Variants in HSPH1 observed in about 807,000 individuals in gnomAD.
The protein encoded by HSPH1 is heat shock protein 105 kDa.
Under a neutral mutation model 100.0 loss-of-function variants are expected in HSPH1, and 40 were observed. The ratio of observed to expected loss-of-function variants is 0.40; its 90% confidence interval spans 0.31 to 0.52. HSPH1 has a LOEUF of 0.52. Among genes scored for constraint, HSPH1 ranks in the 20% least tolerant of loss-of-function variants. The pLI, the probability that HSPH1 is intolerant of heterozygous loss-of-function variation, is 0.54. For missense variants in HSPH1, 876 were observed against 1,015.1 expected (o/e 0.86, Z 1.86); for synonymous variants, 403 against 344.0 (o/e 1.17, Z -1.90).
chr13:31,161,916 T>TC, upstream of HSPH1: 2 of 1,512,616 alleles, frequency 1.3e-6, no homozygotes, highest in Non-Finnish European at 1.8e-6. Flanking sequence ...AAAGGGGAGG[T>TC]CCCACTTCCT....
rs553497627 is a variant in HSPH1 at position 31,149,360 on chromosome 13, G to A, written c.1137+594C>T. ...TAGCTTAAAACTCAAATGTTAACTT[G>A]AAACTTTATTTAAAACTATATTTAG... On this transcript the variant is annotated intron_variant, in intron 8 of 17. Coordinates refer to ENST00000320027, the MANE Select transcript of HSPH1 (RefSeq NM_006644.4). Among the ~76,000 whole-genome samples the A allele has an allele frequency of 2.6e-5, 4 of 152,122 alleles. No individual in the cohort carries two copies. The South Asian group carries it at 8.3e-4, about 32-fold the overall frequency.
chr13:31,137,248 T>TATAA lies in HSPH1; in HGVS notation c.*69_*70insTTAT. 1 of 874,178 alleles carries TATAA rather than the reference T, an allele frequency of 1.1e-6. No homozygotes were observed. Among genetic ancestry groups the TATAA allele is most frequent in the South Asian group, 1.6e-5 (1 of 64,312 alleles). The allele number at this position is 874,178 out of a possible 1,614,324, so 54.2% of individuals were successfully genotyped here. Reference sequence around the variant, plus strand: ...AAAGAAAATATAAATAGTTTCAGTATGTTATGTAGAGTCACATACTATGGC... The same window carrying TATAA: ...AAAGAAAATATAAATAGTTTCAGTATATAAGTTATGTAGAGTCACATACTATGGC... On this transcript the variant is annotated 3_prime_UTR_variant, in exon 18 of 18. Transcript: ENST00000320027.
At chr13:31,141,892 G>C (rs184194711) in intron 12 of HSPH1, among the ~76,000 whole-genome samples, 1 of 152,030 alleles carries the variant, frequency 6.6e-6, no homozygotes, top group African/African-American at 2.4e-5. Context: ...GGTAAAAAGA[G>C]ATGAGTCTTA....
In HSPH1 at chr13:31,154,625, A is replaced by C. The variant is rs1010314912; in HGVS notation, c.429+8T>G. 1 of 1,614,032 alleles carries C rather than the reference A, an allele frequency of 6.2e-7. No homozygotes were observed. The highest frequency in any genetic ancestry group is 8.5e-7 in the Non-Finnish European group (1 of 1,179,914). On this transcript the variant is annotated splice_region_variant and intron_variant, in intron 4 of 17. Coordinates refer to ENST00000320027, the MANE Select transcript of HSPH1 (RefSeq NM_006644.4). ...ATAAAACACACTGCCTTGCTGAATT[A>C]TACTTACTGAAATAACACAATCTGT...
At chr13:31,161,914 G>A, upstream of HSPH1, 5 of 1,513,354 alleles carry the variant, frequency 3.3e-6, no homozygotes, top group South Asian at 2.4e-5. Context: ...CAAAAGGGGA[G>A]GTCCCACTTC....
In HSPH1 at chr13:31,150,184, T is replaced by A. The variant is rs1230804585; in HGVS notation, c.909-2A>T. ...GCACAGAGTTCTTCAAATTGTGACC[T>A]TAGCAAATAAAAACTTGTTTTTAGA... is the stretch of plus-strand genomic sequence containing the variant. On this transcript the variant is annotated splice_acceptor_variant, in intron 7 of 17. Transcript: ENST00000320027. LOFTEE classifies it high-confidence loss of function. 1 of 1,558,506 alleles carries A rather than the reference T, an allele frequency of 6.4e-7. No homozygotes were observed. The highest frequency in any genetic ancestry group is 8.7e-7 in the Non-Finnish European group (1 of 1,150,688).
rs575951619 is a variant in HSPH1 at position 31,135,433 on chromosome 13, T to C, written c.*1885A>G. The C allele has an allele frequency of 1.2e-3, 176 of 152,332 alleles. No homozygotes were observed. Among genetic ancestry groups the C allele is most frequent in the African/African-American group, 4.1e-3 (170 of 41,584 alleles). 9.4% of individuals were successfully genotyped at this position (152,332 alleles called of 1,614,324 possible). ...AAAACATAAAAACCAAAGAAACATA[T>C]TAACTGCATAAAAATTTAAAGTTGC... On this transcript the variant is annotated 3_prime_UTR_variant, in exon 18 of 18. Transcript: ENST00000320027.
At chr13:31,161,202 G>A (rs1337633277) in intron 1 of HSPH1, among the ~76,000 whole-genome samples, 1 of 152,140 alleles carries the variant, frequency 6.6e-6, no homozygotes. Context: ...ACCCCCAATA[G>A]GAAGCCCGCA....
At chr13:31,140,551 GC>G in intron 13 of HSPH1, 1 of 147,640 alleles carries the variant, frequency 6.8e-6, no homozygotes, top group Non-Finnish European at 1.3e-5. Context: ...CATATTTAAT[GC>G]TAAAAAAAAA....
chr13:31,136,315 C>T lies in HSPH1; in HGVS notation c.*1003G>A, dbSNP rs1204072609. 6.6e-6 allele frequency: 1 copy of T among 152,134 alleles called. No individual in the cohort carries two copies. Among genetic ancestry groups the T allele is most frequent in the Non-Finnish European group, 1.5e-5 (1 of 68,032 alleles). The allele number at this position is 152,134 out of a possible 1,614,324, so 9.4% of individuals were successfully genotyped here. ...GAGTTTTTAAAAACAGCCTACAGCA[C>T]TATAACATAGACACTCACACAAATA... is the stretch of plus-strand genomic sequence containing the variant. On this transcript the variant is annotated 3_prime_UTR_variant, in exon 18 of 18. Transcript: ENST00000320027.
rs1329124175 is a variant in HSPH1 at position 31,137,217 on chromosome 13, C to T, written c.*101G>A. On this transcript the variant is annotated 3_prime_UTR_variant, in exon 18 of 18. Coordinates refer to ENST00000320027, the MANE Select transcript of HSPH1 (RefSeq NM_006644.4). ...ATAATACACAAAATTTCTAAATATC[C>T]TTAAAAAAGAAAATATAAATAGTTT... 20 of 799,694 alleles carry T rather than the reference C, an allele frequency of 2.5e-5. No individual in the cohort carries two copies. Among genetic ancestry groups the T allele is most frequent in the Non-Finnish European group, 3.9e-5 (19 of 482,934 alleles). The allele number at this position is 799,694 out of a possible 1,614,324, so 49.5% of individuals were successfully genotyped here.
rs1162964075 is a variant in HSPH1 at position 31,161,684 on chromosome 13, C to T, written c.-102G>A. ...CTTTCTGCCCTGGCCGCGTTCTGCTCCGGCCCGCGGGGTCTGGCCGTTCCT... is the reference window on the plus strand; with the variant it reads ...CTTTCTGCCCTGGCCGCGTTCTGCTTCGGCCCGCGGGGTCTGGCCGTTCCT... On this transcript the variant is annotated 5_prime_UTR_variant, in exon 1 of 18. Transcript: ENST00000320027. 1.9e-6 allele frequency: 3 copies of T among 1,552,854 alleles called. No homozygotes were observed. Among genetic ancestry groups the T allele is most frequent in the African/African-American group, 2.7e-5 (2 of 73,628 alleles).
chr13:31,140,143 A>G (rs1956035779), intron 14 of HSPH1, 41 bp downstream of exon 14: 1 of 1,579,448 alleles, frequency 6.3e-7, no homozygotes, highest in Non-Finnish European at 8.6e-7. Context: ...TAAACACTTC[A>G]TATGAGACTA....
Position 31,161,504 on chromosome 13 carries a change from C to T in HSPH1, c.79G>A (p.Ala27Thr), listed in dbSNP as rs770388257. 2 of 1,614,044 alleles carry T rather than the reference C, an allele frequency of 1.2e-6. No individual in the cohort carries two copies. Among genetic ancestry groups the T allele is most frequent in the South Asian group, 2.2e-5 (2 of 91,076 alleles). Reference sequence around the variant, plus strand: ...GTGCACCGGTCGCTGAACTCATTGGCGATGGTCTCGATGCCCCCGGCCCGG... The same window carrying T: ...GTGCACCGGTCGCTGAACTCATTGGTGATGGTCTCGATGCCCCCGGCCCGG... ...VARAGGIETI[A>T]NEFSDRCTPS... The change falls in exon 1 of 18, where the codon GCC becomes ACC. Residue 27 changes from alanine (A) to threonine (T), a missense_variant. Physicochemically the swap from Ala to Thr is moderately conservative, Grantham distance 58. Transcript: ENST00000320027.
chr13:31,161,673 C>T lies in HSPH1; in HGVS notation c.-91G>A. On this transcript the variant is annotated 5_prime_UTR_variant, in exon 1 of 18. Coordinates refer to ENST00000320027, the MANE Select transcript of HSPH1 (RefSeq NM_006644.4). ...TCCTGCCGCCGCTTTCTGCCCTGGC[C>T]GCGTTCTGCTCCGGCCCGCGGGGTC... 1 of 1,568,606 alleles carries T rather than the reference C, an allele frequency of 6.4e-7. No homozygotes were observed. The highest frequency in any genetic ancestry group is 1.1e-5 in the South Asian group (1 of 87,538).
Position 31,150,149 on chromosome 13 carries a change from C to A in HSPH1, c.942G>T (p.Leu314=). The A allele has an allele frequency of 6.2e-7, 1 of 1,606,782 alleles. No homozygotes were observed. The highest frequency in any genetic ancestry group is 8.5e-7 in the Non-Finnish European group (1 of 1,175,122). The part of the protein sequence containing the change: ...SQFEELCAEL[L]QKIEVPLYSL... ...AATAAAGGGGTACTTCTATCTTTTG[C>A]AGAAGTTCAGCACAGAGTTCTTCAA... is the stretch of plus-strand genomic sequence containing the variant. The change falls in exon 8 of 18, where the codon CTG becomes CTT. Residue 314 remains leucine (L), a synonymous_variant. Coordinates refer to ENST00000320027, the MANE Select transcript of HSPH1 (RefSeq NM_006644.4).
At chr13:31,144,283 A>T (rs1211892721) in intron 11 of HSPH1, among the ~76,000 whole-genome samples, 1 of 152,162 alleles carries the variant, frequency 6.6e-6, no homozygotes, top group African/African-American at 2.4e-5. Flanking sequence ...TCTTTCCTAG[A>T]AACAAGCTTC....
intron 13 of HSPH1, chr13:31,140,751 T>C (rs1397323810): frequency 5.7e-6 from 1 of 174,420 alleles, no homozygotes. Context: ...CCCACCTCAG[T>C]ATGGAAAAAC....
chr13:31,148,087 T>A lies in HSPH1; in HGVS notation c.1250A>T (p.His417Leu), dbSNP rs531202648. ...NHDSEDTEGV[H>L]EVFSRNHAAP... ...AGCATGGTTTCGACTAAAGACTTCATGAACACTAGAGAGAAAAGAAAAAGG... is the reference window on the plus strand; with the variant it reads ...AGCATGGTTTCGACTAAAGACTTCAAGAACACTAGAGAGAAAAGAAAAAGG... The change falls in exon 10 of 18, where the codon CAT (histidine) becomes CTT (leucine). Residue 417 changes from histidine to leucine, a missense_variant. By Grantham distance (99) the His-to-Leu change is moderately conservative. Transcript: ENST00000320027. The A allele has an allele frequency of 6.2e-7, 1 of 1,607,292 alleles. No homozygotes were observed. The highest frequency in any genetic ancestry group is 1.1e-5 in the South Asian group (1 of 89,386).
Sources: allele counts gnomAD v4.1 joint callset (sites outside exome capture counted in the v4.1 genomes callset), GRCh38; gene constraint gnomAD v4.1.1; transcripts MANE v1.5; gene names NCBI Gene and HGNC (gene_info 2026-07-23, HGNC 2026-07-21).